Variants in CMTM4 observed in about 807,000 individuals in gnomAD.
CMTM4 encodes CKLF like MARVEL transmembrane domain containing 4, also known as CKLF-like MARVEL transmembrane domain-containing protein 4.
In CMTM4, 8 loss-of-function variants were observed where a neutral mutation model predicts 19.0. That is an observed-to-expected ratio of 0.42 (90% confidence interval 0.25 to 0.76). The LOEUF is 0.76. Ranked by LOEUF, CMTM4 falls within the 30% of genes least tolerant of loss-of-function variation. CMTM4 has a pLI of 0.27. For synonymous variants in CMTM4, 106 were observed against 121.1 expected (o/e 0.88, Z 0.82); for missense variants, 228 against 290.2 (o/e 0.79, Z 1.56).
intron 1 of CMTM4, among the ~76,000 whole-genome samples, chr16:66,664,607 GTTATAA>G (rs2016558730): frequency 6.6e-6 from 1 of 151,752 alleles, no homozygotes; most frequent in Non-Finnish European, 1.5e-5. Context: ...CAATATTAAT[GTTATAA>G]TTATGTGTAT....
At chr16:66,687,505 A>C (rs550590020) in intron 1 of CMTM4, among the ~76,000 whole-genome samples, 4 of 152,062 alleles carry the variant, frequency 2.6e-5, no homozygotes, top group Admixed American at 6.6e-5. Flanking sequence ...CTCAAAAATA[A>C]AATAAAATAA....
At chr16:66,673,382 A>G (rs9746887) in intron 1 of CMTM4, among the ~76,000 whole-genome samples, 1 of 150,134 alleles carries the variant, frequency 6.7e-6, no homozygotes, top group South Asian at 2.1e-4. Flanking sequence ...TAATTTTTTT[A>G]TTTTTTGTAG....
chr16:66,609,240 A>C, the CMTM4 span: 1 of 597,494 alleles, frequency 1.7e-6, no homozygotes, highest in South Asian at 2.0e-5. The surrounding 1 kb of genome is among the most constrained non-coding windows in gnomAD (Gnocchi z 4.4). Flanking sequence ...GGGATAGGGC[A>C]GTGTCAGCTG....
Position 66,617,789 on chromosome 16 carries a change from C to A in CMTM4, c.*4269G>T. On this transcript the variant is annotated 3_prime_UTR_variant, in exon 4 of 4. Coordinates refer to ENST00000394106, the MANE Select transcript of CMTM4 (RefSeq NM_181521.3). ...GCCAAGCCAGCTTCAGAGTCACCTG[C>A]TGGACCCACATGTTCCTGAGCCAGA... is the stretch of plus-strand genomic sequence containing the variant. 1 of 1,001,306 alleles carries A rather than the reference C, an allele frequency of 1.0e-6. No homozygotes were observed. The highest frequency in any genetic ancestry group is 5.7e-5 in the Admixed American group (1 of 17,494). 62.0% of individuals were successfully genotyped at this position (1,001,306 alleles called of 1,614,324 possible). A position where few individuals can be genotyped will look rare whatever the true frequency, so the allele number is the denominator to read the frequency against.
intron 1 of CMTM4, among the ~76,000 whole-genome samples, chr16:66,638,399 C>T (rs1057440200): frequency 6.6e-6 from 1 of 152,238 alleles, no homozygotes; most frequent in Non-Finnish European, 1.5e-5. Flanking sequence ...TACACAGAAC[C>T]TCTTTCCTAA....
Position 66,618,563 on chromosome 16 carries a change from G to T in CMTM4, c.*3495C>A, listed in dbSNP as rs767484070. 4.1e-6 allele frequency: 4 copies of T among 985,328 alleles called. No homozygotes were observed. Among genetic ancestry groups the T allele is most frequent in the Non-Finnish European group, 4.8e-6 (4 of 829,984 alleles). 61.0% of individuals were successfully genotyped at this position (985,328 alleles called of 1,614,324 possible). On this transcript the variant is annotated 3_prime_UTR_variant, in exon 4 of 4. Coordinates refer to ENST00000394106, the MANE Select transcript of CMTM4 (RefSeq NM_181521.3). ...CATGTGAATCTACAAGAAAAGGTAC[G>T]CCTGGGCCACACGCAGGACATGGCA...
At chr16:66,646,139 C>A (rs999253603) in intron 1 of CMTM4, among the ~76,000 whole-genome samples, 2 of 151,968 alleles carry the variant, frequency 1.3e-5, no homozygotes, top group African/African-American at 4.8e-5. Context: ...GTACAGCACA[C>A]AAGGCATAAA....
chr16:66,677,488 G>C (rs900906973), intron 1 of CMTM4, among the ~76,000 whole-genome samples: 2 of 152,218 alleles, frequency 1.3e-5, no homozygotes, highest in Non-Finnish European at 1.5e-5. Flanking sequence ...AATCTGAATG[G>C]GAAAGTGACT....
chr16:66,680,717 T>TGAGCC (rs1490757488), intron 1 of CMTM4, among the ~76,000 whole-genome samples: 1 of 132,062 alleles, frequency 7.6e-6, no homozygotes, highest in Non-Finnish European at 1.5e-5. Flanking sequence ...GAGCTTGCAG[T>TGAGCC]GAGCCGAGAT....
chr16:66,675,783 G>A (rs8051519), intron 1 of CMTM4, among the ~76,000 whole-genome samples: 6,505 of 152,176 alleles, frequency 0.043, 263 homozygotes, highest in East Asian at 0.15. Context: ...CCGAACAGCC[G>A]TGCAAATTAT....
chr16:66,623,118 C>T (rs2015670441), intron 3 of CMTM4, among the ~76,000 whole-genome samples: 1 of 152,220 alleles, frequency 6.6e-6, no homozygotes, highest in African/African-American at 2.4e-5. Context: ...GGTTCTTGAA[C>T]TTGAGAGCAC....
chr16:66,677,098 C>T (rs1310756459), intron 1 of CMTM4, among the ~76,000 whole-genome samples: 1 of 152,008 alleles, frequency 6.6e-6, no homozygotes, highest in Admixed American at 6.6e-5. Flanking sequence ...ATTAGCCAGG[C>T]GTGGTAGCAC....
intron 1 of CMTM4, among the ~76,000 whole-genome samples, chr16:66,677,873 T>C (rs2016836151): frequency 6.6e-6 from 1 of 152,184 alleles, no homozygotes; most frequent in Non-Finnish European, 1.5e-5. Flanking sequence ...TGCTAAGTTT[T>C]ATATTTTGGA....
downstream of CMTM4, chr16:66,613,343 G>T: frequency 1.8e-6 from 1 of 542,752 alleles, no homozygotes; most frequent in Admixed American, 3.1e-5. Flanking sequence ...AGAAGACAGA[G>T]GGTACAACAG....
chr16:66,662,447 G>T (rs1934094104), intron 1 of CMTM4, among the ~76,000 whole-genome samples: 1 of 152,084 alleles, frequency 6.6e-6, no homozygotes, highest in South Asian at 2.1e-4. Flanking sequence ...AGTAGACAGG[G>T]GGATTTTCCT....
At position 66,622,017 on chromosome 16, in the gene CMTM4, A is replaced by G; in HGVS notation, c.*41T>C. 6.5e-7 allele frequency: 1 copy of G among 1,529,748 alleles called. No homozygotes were observed. Among genetic ancestry groups the G allele is most frequent in the Non-Finnish European group, 8.8e-7 (1 of 1,130,798 alleles). 94.8% of individuals were successfully genotyped at this position (1,529,748 alleles called of 1,614,324 possible). ...AAGGGAAAGAAAACTTGACTGAGAGACAGGCACGAGGACGGGAGGGAGGAG... is the reference window on the plus strand; with the variant it reads ...AAGGGAAAGAAAACTTGACTGAGAGGCAGGCACGAGGACGGGAGGGAGGAG... On this transcript the variant is annotated 3_prime_UTR_variant, in exon 4 of 4. Coordinates refer to ENST00000394106, the MANE Select transcript of CMTM4 (RefSeq NM_181521.3). This position sits in a 1 kb window ranked among gnomAD's most constrained non-coding sequence, Gnocchi z 4.0.
At chr16:66,695,798 G>T (rs2017221931) in intron 1 of CMTM4, among the ~76,000 whole-genome samples, 1 of 152,114 alleles carries the variant, frequency 6.6e-6, no homozygotes, top group Admixed American at 6.5e-5. Flanking sequence ...GAGAATTGTG[G>T]GCATATCTGG....
chr16:66,647,549 G>A (rs964895048), intron 1 of CMTM4, among the ~76,000 whole-genome samples: 2 of 152,062 alleles, frequency 1.3e-5, no homozygotes, highest in Non-Finnish European at 2.9e-5. Context: ...GAAGGTGTGC[G>A]CAGGGCCAAC....
chr16:66,685,456 T>C (rs2017013312), intron 1 of CMTM4, among the ~76,000 whole-genome samples: 1 of 151,594 alleles, frequency 6.6e-6, no homozygotes, highest in Admixed American at 6.6e-5. Context: ...CAGTCCTTAA[T>C]GGGGTAGGCC....
Sources: allele counts gnomAD v4.1 joint callset (sites outside exome capture counted in the v4.1 genomes callset), GRCh38; gene constraint gnomAD v4.1.1; non-coding constraint Gnocchi (gnomAD v3.1); transcripts MANE v1.5; gene names NCBI Gene and HGNC (gene_info 2026-07-23, HGNC 2026-07-21).